Variants in TRDN observed in about 807,000 individuals in gnomAD.
TRDN encodes the protein triadin, also known as triadin in skeletal muscle.
A neutral mutation model predicts 149.7 loss-of-function variants in TRDN; 161 were observed. That is an observed-to-expected ratio of 1.08 (90% CI 0.95 to 1.23). TRDN has a LOEUF of 1.23. Among genes scored for constraint, TRDN ranks in the 50% most tolerant of loss-of-function variants. The pLI is 0.00. For synonymous variants in TRDN, 294 were observed against 250.5 expected (o/e 1.17, Z -1.64); for missense variants, 896 against 823.5 (o/e 1.09, Z -1.08).
chr6:123,334,013 T>G (rs7749151), intron 22 of TRDN, among the ~76,000 whole-genome samples: 27,488 of 151,952 alleles, frequency 0.18, 3,483 homozygotes, highest in East Asian at 0.63. Flanking sequence ...TTTCAGATTT[T>G]CCACTGCCTT....
intron 38 of TRDN, among the ~76,000 whole-genome samples, chr6:123,246,790 GAAA>G (rs139540215): frequency 0.43 from 59,926 of 137,784 alleles, 12,796 homozygotes; most frequent in Admixed American, 0.57. Flanking sequence ...AGACATAACA[GAAA>G]AAAAAAAAAA....
intron 2 of TRDN, among the ~76,000 whole-genome samples, chr6:123,552,695 A>C (rs548122315): frequency 3.9e-5 from 6 of 152,250 alleles, no homozygotes; most frequent in Non-Finnish European, 8.8e-5. Flanking sequence ...CTGCCTGAAA[A>C]TATTATTTGT....
intron 9 of TRDN, among the ~76,000 whole-genome samples, chr6:123,472,551 C>CG (rs1162692431): frequency 6.6e-6 from 1 of 152,206 alleles, no homozygotes; most frequent in African/African-American, 2.4e-5. Context: ...ACAAAGCAGC[C>CG]GGGAAGCTCG....
At chr6:123,573,445 C>T (rs1045668233) in intron 1 of TRDN, among the ~76,000 whole-genome samples, 2 of 152,082 alleles carry the variant, frequency 1.3e-5, no homozygotes, top group African/African-American at 4.8e-5. Flanking sequence ...ATGACTCTCA[C>T]TACAACTACA....
At chr6:123,562,061 C>T (rs888991401) in intron 2 of TRDN, among the ~76,000 whole-genome samples, 1 of 152,116 alleles carries the variant, frequency 6.6e-6, no homozygotes, top group African/African-American at 2.4e-5. Flanking sequence ...AATGTCCGGT[C>T]CCTGCCTTAA....
intron 14 of TRDN, among the ~76,000 whole-genome samples, chr6:123,382,836 C>G (rs1347486437): frequency 3.3e-5 from 5 of 152,098 alleles, no homozygotes; most frequent in Non-Finnish European, 5.9e-5. Context: ...ATGAAACTTT[C>G]TGCTCCCACC....
chr6:123,392,459 A>G (rs1772528008), intron 13 of TRDN, among the ~76,000 whole-genome samples: 1 of 152,066 alleles, frequency 6.6e-6, no homozygotes, highest in Non-Finnish European at 1.5e-5. Flanking sequence ...CTATGAAAAC[A>G]TATATACACT....
chr6:123,293,597 C>T (rs1778085716), intron 24 of TRDN, among the ~76,000 whole-genome samples: 1 of 152,182 alleles, frequency 6.6e-6, no homozygotes. Context: ...AAAGATTGTC[C>T]TGCCACCCCC....
chr6:123,287,081 G>C (rs749564997), intron 24 of TRDN, among the ~76,000 whole-genome samples: 5 of 152,122 alleles, frequency 3.3e-5, no homozygotes, highest in Non-Finnish European at 7.4e-5. Flanking sequence ...CAACAGATAA[G>C]AAGCACAGAA....
At chr6:123,566,482 A>C (rs1782304596) in intron 2 of TRDN, among the ~76,000 whole-genome samples, 1 of 152,238 alleles carries the variant, frequency 6.6e-6, no homozygotes, top group Non-Finnish European at 1.5e-5. Context: ...ATTCTTCTCA[A>C]TCCAGTACAG....
At chr6:123,577,337 C>A (rs1234344349) in intron 1 of TRDN, among the ~76,000 whole-genome samples, 1 of 152,022 alleles carries the variant, frequency 6.6e-6, no homozygotes, top group Non-Finnish European at 1.5e-5. Flanking sequence ...TCTGTTGTTC[C>A]CTTCTTTGCA....
At chr6:123,621,151 A>G (rs889674194) in intron 1 of TRDN, among the ~76,000 whole-genome samples, 6 of 152,170 alleles carry the variant, frequency 3.9e-5, no homozygotes, top group African/African-American at 1.4e-4. Context: ...ATTGCTGCCC[A>G]TACAGTCTCA....
intron 15 of TRDN, among the ~76,000 whole-genome samples, chr6:123,381,727 T>C (rs1332732355): frequency 3.3e-5 from 5 of 152,172 alleles, no homozygotes; most frequent in African/African-American, 1.2e-4. Context: ...ACTTGCCAAA[T>C]GAATTATTCA....
intron 12 of TRDN, among the ~76,000 whole-genome samples, chr6:123,412,729 A>G (rs1251374931): frequency 2.6e-5 from 4 of 152,184 alleles, no homozygotes; most frequent in African/African-American, 9.6e-5. Context: ...AGTAACTTCT[A>G]TGAATAAATA....
chr6:123,302,893 C>T (rs1284372304), intron 24 of TRDN, among the ~76,000 whole-genome samples: 1 of 152,020 alleles, frequency 6.6e-6, no homozygotes, highest in Admixed American at 6.6e-5. Flanking sequence ...GTTCTTTGGA[C>T]CACACTTTAA....
intron 6 of TRDN, among the ~76,000 whole-genome samples, chr6:123,515,532 T>C (rs995859836): frequency 6.6e-6 from 1 of 151,286 alleles, no homozygotes; most frequent in Non-Finnish European, 1.5e-5. Flanking sequence ...TTATAGGACA[T>C]ACTAGATTTT....
chr6:123,408,916 C>T (rs887612228), intron 12 of TRDN, among the ~76,000 whole-genome samples: 3 of 152,038 alleles, frequency 2.0e-5, no homozygotes, highest in African/African-American at 4.8e-5. Context: ...AGCTCAGGGT[C>T]AAATAACACT....
intron 14 of TRDN, among the ~76,000 whole-genome samples, chr6:123,386,828 A>G (rs1229715753): frequency 6.6e-6 from 1 of 152,150 alleles, no homozygotes; most frequent in African/African-American, 2.4e-5. Context: ...GTGGGGCAAC[A>G]ACCTTGGAGA....
chr6:123,419,472 C>T (rs79382546), intron 12 of TRDN, among the ~76,000 whole-genome samples: 3,461 of 152,200 alleles, frequency 0.023, 110 homozygotes, highest in East Asian at 0.079. Context: ...TTCCTGGGTT[C>T]AAATGATGCC....
Sources: gnomAD v4.1 joint callset for allele counts (sites outside exome capture counted in the v4.1 genomes callset) on GRCh38, gnomAD v4.1.1 for gene constraint, MANE v1.5 for transcripts, NCBI Gene and HGNC (gene_info 2026-07-23, HGNC 2026-07-21) for gene names.